ADAM22: variants seen among roughly 807,000 people sequenced by gnomAD.
ADAM22 encodes ADAM metallopeptidase domain 22.
In ADAM22, 65 loss-of-function variants were observed where a neutral mutation model predicts 144.6. The ratio of observed to expected loss-of-function variants is 0.45; its 90% confidence interval spans 0.37 to 0.55. The LOEUF (loss-of-function observed/expected upper bound fraction) is 0.55. Ranked by LOEUF, ADAM22 falls within the 20% of genes least tolerant of loss-of-function variation. The pLI is 0.00. For missense variants in ADAM22, 974 were observed against 1,184.9 expected, an observed-to-expected ratio of 0.82 and a Z score of 2.61; for synonymous variants, 391 against 412.6, an observed-to-expected ratio of 0.95 and a Z score of 0.63.
chr7:87,978,632 A>T (rs1157413445), intron 3 of ADAM22, among the ~76,000 whole-genome samples: 3 of 152,252 alleles, frequency 2.0e-5, no homozygotes, highest in Non-Finnish European at 4.4e-5. Flanking sequence ...TTAAGAATGT[A>T]AAATGAAAGG....
chr7:87,997,124 C>T lies in ADAM22; in HGVS notation c.323+18712C>T, dbSNP rs139352924. On this transcript the variant is annotated intron_variant, in intron 3 of 31. Coordinates refer to ENST00000413139, the MANE Select transcript of ADAM22 (RefSeq NM_001324418.2). ...AGATTACTATTGGAGTTTGTTTGTTCGTTAAAAGCATATCTAATAAGGTTT... is the reference window on the plus strand; with the variant it reads ...AGATTACTATTGGAGTTTGTTTGTTTGTTAAAAGCATATCTAATAAGGTTT... 4.1e-3 allele frequency among the ~76,000 whole-genome samples: 629 copies of T among 152,140 alleles called. 3 individuals are homozygous for T. Among genetic ancestry groups the T allele is most frequent in the Non-Finnish European group, 7.0e-3 (479 of 68,000 alleles).
At chr7:88,153,412 G>A in intron 21 of ADAM22, 86 bp downstream of exon 21, 1 of 1,090,690 alleles carries the variant, frequency 9.2e-7, no homozygotes, top group Non-Finnish European at 1.3e-6. Context: ...TCTGCTTTCT[G>A]CATCACACAA....
chr7:88,164,158 C>A (rs1842416028), intron 23 of ADAM22, among the ~76,000 whole-genome samples: 1 of 152,058 alleles, frequency 6.6e-6, no homozygotes. Flanking sequence ...GTCTTCTTTT[C>A]TTAATCTAAG....
At position 88,001,406 on chromosome 7, in the gene ADAM22, T is replaced by C. The variant is rs4728723; in HGVS notation, c.323+22994T>C. ...GGAATTTTACACTTGTAGTATCATG[T>C]TGGCATTCAAAAAGTTTTGAATTTT... is the stretch of plus-strand genomic sequence containing the variant. On this transcript the variant is annotated intron_variant, in intron 3 of 31. Transcript: ENST00000413139. 5.2e-3 allele frequency among the ~76,000 whole-genome samples: 795 copies of C among 152,330 alleles called. 11 individuals carry two copies. The highest frequency in any genetic ancestry group is 0.046 in the East Asian group (240 of 5,176).
At chr7:87,989,896 G>A (rs1290730090) in intron 3 of ADAM22, among the ~76,000 whole-genome samples, 1 of 151,830 alleles carries the variant, frequency 6.6e-6, no homozygotes, top group African/African-American at 2.4e-5. Context: ...ATCCAGCCTG[G>A]GTGACAGAGT....
intron 30 of ADAM22, among the ~76,000 whole-genome samples, chr7:88,191,698 A>T (rs1849665522): frequency 6.6e-6 from 1 of 152,242 alleles, no homozygotes; most frequent in African/African-American, 2.4e-5. Flanking sequence ...TACTAGTATT[A>T]GTTACACCCA....
At chr7:88,032,002 A>G (rs1218063496) in intron 3 of ADAM22, among the ~76,000 whole-genome samples, 1 of 152,250 alleles carries the variant, frequency 6.6e-6, no homozygotes, top group African/African-American at 2.4e-5. Context: ...GAGGATGTAT[A>G]GAAATACCTG....
intron 4 of ADAM22, among the ~76,000 whole-genome samples, chr7:88,078,266 T>TC (rs1270093360): frequency 1.3e-5 from 2 of 152,002 alleles, no homozygotes; most frequent in South Asian, 4.1e-4. Flanking sequence ...TCCAGTAAAC[T>TC]CCAACAGACC....
At chr7:88,172,006 A>G (rs1844448386) in intron 26 of ADAM22, among the ~76,000 whole-genome samples, 1 of 151,802 alleles carries the variant, frequency 6.6e-6, no homozygotes, top group Admixed American at 6.6e-5. Context: ...CATAAGTGAC[A>G]AAGTTTATTT....
intron 2 of ADAM22, among the ~76,000 whole-genome samples, chr7:87,973,082 T>A (rs1850882580): frequency 6.6e-6 from 1 of 152,130 alleles, no homozygotes; most frequent in African/African-American, 2.4e-5. Flanking sequence ...AAAGCCAAAA[T>A]TGACAAATCG....
chr7:88,021,867 A>C (rs1797892409), intron 3 of ADAM22, among the ~76,000 whole-genome samples: 1 of 150,350 alleles, frequency 6.7e-6, no homozygotes, highest in East Asian at 2.0e-4. Context: ...TCCTTCTCTC[A>C]TTACATTTTT....
At chr7:88,065,461 T>C (rs1810992010) in intron 3 of ADAM22, among the ~76,000 whole-genome samples, 1 of 152,052 alleles carries the variant, frequency 6.6e-6, no homozygotes, top group South Asian at 2.1e-4. Flanking sequence ...ATATAATACA[T>C]GTTTATTATA....
intron 6 of ADAM22, among the ~76,000 whole-genome samples, chr7:88,114,857 A>G (rs754206083): frequency 1.9e-4 from 29 of 152,320 alleles, no homozygotes; most frequent in South Asian, 4.1e-4. Flanking sequence ...AAACGTATTT[A>G]ATACCCTGAT....
At chr7:88,008,342 C>A (rs1246586232) in intron 3 of ADAM22, among the ~76,000 whole-genome samples, 2 of 149,680 alleles carry the variant, frequency 1.3e-5, no homozygotes, top group African/African-American at 2.5e-5. Context: ...GTCAGTGTGG[C>A]GATTCCTCAG....
intron 3 of ADAM22, among the ~76,000 whole-genome samples, chr7:88,046,770 T>A (rs912613151): frequency 1.3e-5 from 2 of 152,250 alleles, no homozygotes; most frequent in African/African-American, 4.8e-5. Context: ...TCTGATTTTA[T>A]TGTTTTGCAT....
intron 2 of ADAM22, among the ~76,000 whole-genome samples, chr7:87,954,179 T>C (rs1248285310): frequency 6.6e-6 from 1 of 152,070 alleles, no homozygotes; most frequent in South Asian, 2.1e-4. Context: ...ATTTGATCCT[T>C]TTATTATGAT....
At chr7:87,969,467 T>C (rs1849919248) in intron 2 of ADAM22, among the ~76,000 whole-genome samples, 1 of 152,226 alleles carries the variant, frequency 6.6e-6, no homozygotes, top group Non-Finnish European at 1.5e-5. Context: ...CTCTTGTGAC[T>C]GTGAGTTTCC....
intron 3 of ADAM22, among the ~76,000 whole-genome samples, chr7:87,984,210 C>G (rs1030780957): frequency 2.0e-5 from 3 of 152,176 alleles, no homozygotes; most frequent in African/African-American, 4.8e-5. Context: ...AGATTAGTCT[C>G]TAGCTTTTAA....
chr7:88,012,050 T>C (rs200753162), intron 3 of ADAM22, among the ~76,000 whole-genome samples: 1 of 133,350 alleles, frequency 7.5e-6, no homozygotes, highest in Non-Finnish European at 1.6e-5. Flanking sequence ...TTTTTTTTTT[T>C]GTCCTTGCAT....
Sources: allele counts gnomAD v4.1 joint callset (sites outside exome capture counted in the v4.1 genomes callset), GRCh38; gene constraint gnomAD v4.1.1; transcripts MANE v1.5; gene names NCBI Gene and HGNC (gene_info 2026-07-23, HGNC 2026-07-21).